The following CCBE1 variants were observed in gnomAD, a reference collection of about 807,000 sequenced individuals.
The protein encoded by CCBE1 is collagen and calcium binding EGF domains 1.
A neutral mutation model predicts 50.0 loss-of-function variants in CCBE1; 37 were observed. That is an observed-to-expected ratio of 0.74 (90% confidence interval 0.57 to 0.97). CCBE1 has a LOEUF of 0.97. Ranked by LOEUF, CCBE1 falls within the 50% of genes least tolerant of loss-of-function variation. The probability of loss-of-function intolerance (pLI) is 0.00; values close to 1 mark genes in which losing one functional copy is unlikely to be tolerated. For missense variants in CCBE1, 538 were observed against 523.8 expected (o/e 1.03, Z -0.26); for synonymous variants, 234 against 203.7 (o/e 1.15, Z -1.27).
At chr18:59,614,251 C>T (rs979928576) in intron 2 of CCBE1, among the ~76,000 whole-genome samples, 3 of 152,144 alleles carry the variant, frequency 2.0e-5, no homozygotes, top group South Asian at 2.1e-4. Flanking sequence ...CCACCTGCCT[C>T]GGTCTCCCAA....
intron 3 of CCBE1, among the ~76,000 whole-genome samples, chr18:59,470,142 A>C (rs777856001): frequency 6.6e-5 from 10 of 152,208 alleles, no homozygotes; most frequent in Non-Finnish European, 1.3e-4. Context: ...TAATTTATAA[A>C]GGAAAGAGGT....
intron 2 of CCBE1, among the ~76,000 whole-genome samples, chr18:59,657,901 C>A (rs867518191): frequency 6.7e-6 from 1 of 150,364 alleles, no homozygotes; most frequent in East Asian, 2.0e-4. Flanking sequence ...ACAACAACAA[C>A]AACAACAGAA....
upstream of CCBE1, chr18:59,697,610 T>G: frequency 2.1e-6 from 1 of 474,456 alleles, no homozygotes; most frequent in Admixed American, 3.6e-5. Flanking sequence ...GGCCCTGAGG[T>G]TCAAGTTGTC....
At chr18:59,543,213 G>A (rs1915537883) in intron 2 of CCBE1, among the ~76,000 whole-genome samples, 1 of 152,084 alleles carries the variant, frequency 6.6e-6, no homozygotes, top group Non-Finnish European at 1.5e-5. Flanking sequence ...CTGCACAAAT[G>A]ACCTCCTCCT....
At chr18:59,667,464 G>A (rs1234007084) in intron 2 of CCBE1, among the ~76,000 whole-genome samples, 1 of 152,156 alleles carries the variant, frequency 6.6e-6, no homozygotes, top group Non-Finnish European at 1.5e-5. Context: ...TGAGGGGCTG[G>A]CAACAGCAGG....
chr18:59,563,553 A>AC (rs1448380552), intron 2 of CCBE1, among the ~76,000 whole-genome samples: 2 of 152,134 alleles, frequency 1.3e-5, no homozygotes, highest in Non-Finnish European at 2.9e-5. Context: ...GAAGCAGTAG[A>AC]CCCTACAGGG....
At chr18:59,653,871 A>G (rs1178873407) in intron 2 of CCBE1, among the ~76,000 whole-genome samples, 1 of 152,238 alleles carries the variant, frequency 6.6e-6, no homozygotes, top group Non-Finnish European at 1.5e-5. Flanking sequence ...TTATTTGATG[A>G]CTGCATATAA....
rs57217059 is a variant in CCBE1, at chr18:59,522,993, C to CAAAAAAAAAAAAAAAAAAAAA, written c.213-42756_213-42755insTTTTTTTTTTTTTTTTTTTTT. Among the ~76,000 whole-genome samples the CAAAAAAAAAAAAAAAAAAAAA allele has an allele frequency of 1.0e-3, 92 of 89,212 alleles. 7 individuals are homozygous for CAAAAAAAAAAAAAAAAAAAAA. The highest frequency in any genetic ancestry group is 2.9e-3 in the South Asian group (6 of 2,090). 58.5% of individuals were successfully genotyped at this position (89,212 alleles called of 152,430 possible). A position where few individuals can be genotyped will look rare whatever the true frequency, so the allele number is the denominator to read the frequency against. Reference sequence around the variant, plus strand: ...GGCAACAGAGTGAGAGACTCTGTTTCAAAAAAAAAAAAAAAAAAAATTCTC... The same window carrying CAAAAAAAAAAAAAAAAAAAAA: ...GGCAACAGAGTGAGAGACTCTGTTTCAAAAAAAAAAAAAAAAAAAAAAAAAAAAAAAAAAAAAAAAATTCTC... On this transcript the variant is annotated intron_variant, in intron 2 of 10. Coordinates refer to ENST00000439986, the MANE Select transcript of CCBE1 (RefSeq NM_133459.4).
At chr18:59,519,417 TG>T in intron 2 of CCBE1, among the ~76,000 whole-genome samples, 1 of 152,346 alleles carries the variant, frequency 6.6e-6, no homozygotes, top group Non-Finnish European at 1.5e-5. Flanking sequence ...TTGAGCCCTC[TG>T]GATGCCAAGT....
At chr18:59,551,201 C>G (rs1272672768) in intron 2 of CCBE1, among the ~76,000 whole-genome samples, 1 of 152,076 alleles carries the variant, frequency 6.6e-6, no homozygotes, top group Non-Finnish European at 1.5e-5. Flanking sequence ...ATGCTGTGGC[C>G]TATGCTCTCA....
At position 59,696,833 on chromosome 18, in the gene CCBE1, G is replaced by C. The variant is rs188015784; in HGVS notation, c.132-124C>G. 912 of 1,087,592 alleles carry C rather than the reference G, an allele frequency of 8.4e-4. 8 individuals are homozygous for C. In the African/African-American group the frequency reaches 0.013, roughly 15 times the overall value. The allele number at this position is 1,087,592 out of a possible 1,614,324, so 67.4% of individuals were successfully genotyped here. On this transcript the variant is annotated intron_variant, in intron 1 of 10. Coordinates refer to ENST00000439986, the MANE Select transcript of CCBE1 (RefSeq NM_133459.4). Reference sequence around the variant, plus strand: ...CCCCGTCCCGGCGCTCTGGGCAGGGGCTGGTCCCCAAACGCGTACGCGGGG... The same window carrying C: ...CCCCGTCCCGGCGCTCTGGGCAGGGCCTGGTCCCCAAACGCGTACGCGGGG...
intron 2 of CCBE1, among the ~76,000 whole-genome samples, chr18:59,511,444 T>C (rs1366761483): frequency 6.6e-6 from 1 of 152,202 alleles, no homozygotes; most frequent in East Asian, 1.9e-4. Flanking sequence ...CTTGAAGAGA[T>C]CCATTTACAG....
intron 2 of CCBE1, among the ~76,000 whole-genome samples, chr18:59,543,906 C>T (rs1427286436): frequency 6.6e-6 from 1 of 150,690 alleles, no homozygotes. Flanking sequence ...GGGACACTCG[C>T]AGTTCTGGGA....
chr18:59,440,055 G>T (rs1049321795), intron 7 of CCBE1, among the ~76,000 whole-genome samples: 2 of 152,184 alleles, frequency 1.3e-5, no homozygotes, highest in Non-Finnish European at 2.9e-5. Context: ...CCAAAAACTG[G>T]AGAGTCTTCC....
At chr18:59,455,150 A>G (rs1911129905) in intron 5 of CCBE1, 199 bp from the exon 6 acceptor site, 1 of 670,740 alleles carries the variant, frequency 1.5e-6, no homozygotes, top group South Asian at 1.5e-5. Flanking sequence ...ACAGAGGGAG[A>G]GGGGCCCTGC....
At chr18:59,663,461 C>T (rs2054313047) in intron 2 of CCBE1, among the ~76,000 whole-genome samples, 1 of 152,120 alleles carries the variant, frequency 6.6e-6, no homozygotes, top group Admixed American at 6.6e-5. Context: ...TTTTTAAAAT[C>T]ATCCTGATTT....
intron 2 of CCBE1, among the ~76,000 whole-genome samples, chr18:59,652,480 C>T (rs950075869): frequency 2.7e-5 from 3 of 109,524 alleles, no homozygotes; most frequent in Non-Finnish European, 2.2e-5. Context: ...TGACTCCCCC[C>T]CTTTTTTTTT....
At position 59,558,812 on chromosome 18, in the gene CCBE1, G is replaced by A. The variant is rs183791949; in HGVS notation, c.213-78574C>T. Among the ~76,000 whole-genome samples the A allele has an allele frequency of 3.0e-3, 459 of 152,326 alleles. 4 individuals are homozygous for A. The highest frequency in any genetic ancestry group is 0.024 in the Middle Eastern group (7 of 294). Reference sequence around the variant, plus strand: ...AGCTGACTGCACAGCTGTGTATGGGGGTGGCCAGCTCCAGCAGCCAAGACA... The same window carrying A: ...AGCTGACTGCACAGCTGTGTATGGGAGTGGCCAGCTCCAGCAGCCAAGACA... On this transcript the variant is annotated intron_variant, in intron 2 of 10. Coordinates refer to ENST00000439986, the MANE Select transcript of CCBE1 (RefSeq NM_133459.4).
At chr18:59,580,293 T>C (rs984728627) in intron 2 of CCBE1, among the ~76,000 whole-genome samples, 1 of 152,206 alleles carries the variant, frequency 6.6e-6, no homozygotes, top group Non-Finnish European at 1.5e-5. Context: ...CCTAATAACC[T>C]GGAAGCCCCC....
Sources: allele counts gnomAD v4.1 joint callset (sites outside exome capture counted in the v4.1 genomes callset), GRCh38; gene constraint gnomAD v4.1.1; transcripts MANE v1.5; gene names NCBI Gene and HGNC (gene_info 2026-07-23, HGNC 2026-07-21).